The following CCDC134 variants were observed in gnomAD, a reference collection of about 807,000 sequenced individuals.
CCDC134 encodes coiled-coil domain containing 134, also known as coiled-coil domain-containing protein 134.
Under a neutral mutation model 25.6 loss-of-function variants are expected in CCDC134, and 27 were observed. The observed-to-expected ratio is 1.05, with a 90% CI of 0.78 to 1.45. The LOEUF (loss-of-function observed/expected upper bound fraction) is 1.45. Ranked by LOEUF, CCDC134 falls within the 40% of genes most tolerant of loss-of-function variation. The pLI, the probability that CCDC134 is intolerant of heterozygous loss-of-function variation, is 0.00. For synonymous variants in CCDC134, 110 were observed against 115.0 expected, an observed-to-expected ratio of 0.96 and a Z score of 0.28; for missense variants, 261 against 286.7, an observed-to-expected ratio of 0.91 and a Z score of 0.65.
rs1017435501 is a variant in CCDC134 at position 41,831,546 on chromosome 22, G to A, written c.*5723G>A. 6.6e-6 allele frequency: 1 copy of A among 152,206 alleles called. No individual in the cohort carries two copies. Among genetic ancestry groups the A allele is most frequent in the African/African-American group, 2.4e-5 (1 of 41,452 alleles). The allele number at this position is 152,206 out of a possible 1,614,324, so 9.4% of individuals were successfully genotyped here. On this transcript the variant is annotated 3_prime_UTR_variant, in exon 7 of 7. Coordinates refer to ENST00000255784, the MANE Select transcript of CCDC134 (RefSeq NM_024821.5). Reference sequence around the variant, plus strand: ...TGCAAGGCACTTACTGTATGCCAAAGCTTATGCCGAGAGCTGGCTGCCAGC... The same window carrying A: ...TGCAAGGCACTTACTGTATGCCAAAACTTATGCCGAGAGCTGGCTGCCAGC...
chr22:41,830,082 T>C lies in CCDC134; in HGVS notation c.*4259T>C, dbSNP rs950037834. ...AACCGTGCCCGGCTGTCCATCTCTTTTCAGATGAAGAGCTCAGGTTCTGAG... is the reference window on the plus strand; with the variant it reads ...AACCGTGCCCGGCTGTCCATCTCTTCTCAGATGAAGAGCTCAGGTTCTGAG... On this transcript the variant is annotated 3_prime_UTR_variant, in exon 7 of 7. Coordinates refer to ENST00000255784, the MANE Select transcript of CCDC134 (RefSeq NM_024821.5). Among the ~76,000 whole-genome samples the C allele has an allele frequency of 6.6e-6, 1 of 152,204 alleles. No homozygotes were observed. The highest frequency in any genetic ancestry group is 1.5e-5 in the Non-Finnish European group (1 of 68,030).
intron 6 of CCDC134, among the ~76,000 whole-genome samples, chr22:41,816,744 C>A (rs2076624478): frequency 6.6e-6 from 1 of 152,064 alleles, no homozygotes; most frequent in Admixed American, 6.5e-5. Flanking sequence ...ATGGTGAAAC[C>A]CCGTCTCTAC....
rs1306197803 is a variant in CCDC134 at position 41,813,147 on chromosome 22, G to A, written c.311-117G>A. On this transcript the variant is annotated intron_variant, in intron 4 of 6. Coordinates refer to ENST00000255784, the MANE Select transcript of CCDC134 (RefSeq NM_024821.5). ...TGGCAGCCTGTGGTCAGTAGGCACT[G>A]TTCCTTCCTTGCTTGGTGGGTTTGG... is the stretch of plus-strand genomic sequence containing the variant. 6.8e-6 allele frequency: 7 copies of A among 1,028,714 alleles called. No individual in the cohort carries two copies. The Admixed American group carries it at 1.3e-4, about 20-fold the overall frequency. The allele number at this position is 1,028,714 out of a possible 1,614,324, so 63.7% of individuals were successfully genotyped here. A position where few individuals can be genotyped will look rare whatever the true frequency, so the allele number is the denominator to read the frequency against.
At chr22:41,802,538 G>A (rs2076548508) in intron 1 of CCDC134, among the ~76,000 whole-genome samples, 1 of 152,144 alleles carries the variant, frequency 6.6e-6, no homozygotes, top group South Asian at 2.1e-4. Context: ...CAACCGCCAA[G>A]GCGGGCGGAT....
At chr22:41,813,853 C>G (rs2076610019) in intron 6 of CCDC134, 31 bp downstream of exon 6, 2 of 1,604,482 alleles carry the variant, frequency 1.2e-6, no homozygotes, top group African/African-American at 1.3e-5. Context: ...CCTGTGTCTG[C>G]TTTGCCTCTG....
intron 6 of CCDC134, among the ~76,000 whole-genome samples, chr22:41,822,461 C>G (rs1209474468): frequency 6.6e-6 from 1 of 152,112 alleles, no homozygotes; most frequent in African/African-American, 2.4e-5. Flanking sequence ...GGCCATCAGC[C>G]TGCTGACCTG....
intron 6 of CCDC134, among the ~76,000 whole-genome samples, chr22:41,821,571 T>G (rs1446634348): frequency 6.6e-6 from 1 of 151,988 alleles, no homozygotes; most frequent in East Asian, 1.9e-4. Flanking sequence ...GTGTTTGGTT[T>G]TTTGTCCTTA....
intron 1 of CCDC134, among the ~76,000 whole-genome samples, chr22:41,805,636 C>T (rs1455095569): frequency 6.6e-6 from 1 of 151,962 alleles, no homozygotes; most frequent in Non-Finnish European, 1.5e-5. Flanking sequence ...AAATATATGT[C>T]ATAAACACAT....
intron 2 of CCDC134, 103 bp from the exon 3 acceptor site, chr22:41,809,776 C>CAGATA: frequency 6.8e-7 from 1 of 1,480,746 alleles, no homozygotes; most frequent in East Asian, 2.3e-5. Context: ...TGTCCATGGC[C>CAGATA]CTTGCAGATA....
intron 1 of CCDC134, 24 bp downstream of exon 1, chr22:41,800,790 G>T (rs2076536213): frequency 6.6e-6 from 1 of 152,512 alleles, no homozygotes; most frequent in Non-Finnish European, 1.5e-5. Flanking sequence ...GGGGCCGCGG[G>T]CTGCAGGTTC....
At chr22:41,820,902 G>A (rs957156431) in intron 6 of CCDC134, among the ~76,000 whole-genome samples, 2 of 152,178 alleles carry the variant, frequency 1.3e-5, no homozygotes, top group Admixed American at 1.3e-4. Context: ...GGCACCAAAA[G>A]CCGTGAGACA....
intron 6 of CCDC134, among the ~76,000 whole-genome samples, chr22:41,814,235 G>A (rs1041218127): frequency 6.6e-6 from 1 of 152,314 alleles, no homozygotes; most frequent in African/African-American, 2.4e-5. Context: ...AGGGGGCTGA[G>A]GTGGGCTTTG....
intron 1 of CCDC134, among the ~76,000 whole-genome samples, chr22:41,804,714 C>T (rs2076559909): frequency 6.6e-6 from 1 of 152,180 alleles, no homozygotes; most frequent in South Asian, 2.1e-4. Context: ...TATGTACATT[C>T]TCAAGTATGA....
At position 41,830,058 on chromosome 22, in the gene CCDC134, A is replaced by C. The variant is rs2076697973; in HGVS notation, c.*4235A>C. On this transcript the variant is annotated 3_prime_UTR_variant, in exon 7 of 7. Coordinates refer to ENST00000255784, the MANE Select transcript of CCDC134 (RefSeq NM_024821.5). ...AGTGCTGGGATTACAGGCGTAAGCA[A>C]CCGTGCCCGGCTGTCCATCTCTTTT... Among the ~76,000 whole-genome samples the C allele has an allele frequency of 6.6e-6, 1 of 152,206 alleles. No homozygotes were observed. Among genetic ancestry groups the C allele is most frequent in the South Asian group, 2.1e-4 (1 of 4,834 alleles).
chr22:41,825,857 G>A lies in CCDC134; in HGVS notation c.*34G>A, dbSNP rs1365447912. The A allele has an allele frequency of 3.7e-6, 6 of 1,611,004 alleles. No individual in the cohort carries two copies. The highest frequency in any genetic ancestry group is 5.1e-6 in the Non-Finnish European group (6 of 1,178,204). On this transcript the variant is annotated 3_prime_UTR_variant, in exon 7 of 7. Transcript: ENST00000255784. This position sits in a 1 kb window ranked among gnomAD's most constrained non-coding sequence, Gnocchi z 4.4. ...CAGCTCAGGGCTCAGGGGGCCACAA[G>A]GAGGCAGGTCGGGAGGAAGAAGAGG...
chr22:41,813,176 A>G, intron 4 of CCDC134, 88 bp from the exon 5 acceptor site: 6 of 1,343,358 alleles, frequency 4.5e-6, no homozygotes, highest in Non-Finnish European at 5.3e-6. Context: ...GGTTTGGTGG[A>G]TGTCTCTGTT....
chr22:41,814,294 G>A (rs1602240154), intron 6 of CCDC134, among the ~76,000 whole-genome samples: 1 of 152,134 alleles, frequency 6.6e-6, no homozygotes, highest in African/African-American at 2.4e-5. Flanking sequence ...GGCCGGGCAC[G>A]GTGGCTCACA....
Position 41,825,694 on chromosome 22 carries a change from TC to T in CCDC134, c.565-3del, listed in dbSNP as rs756917345. The T allele has an allele frequency of 3.1e-6, 5 of 1,613,902 alleles. No individual in the cohort carries two copies. In the Admixed American group the frequency reaches 8.3e-5, roughly 27 times the overall value. ...AAATCAGACTGCTCTTCTCTTCCCTTCAGTTCATTCCCAGCACTGACCCTTT... is the reference window on the plus strand; with the variant it reads ...AAATCAGACTGCTCTTCTCTTCCCTTAGTTCATTCCCAGCACTGACCCTTT... On this transcript the variant is annotated splice_polypyrimidine_tract_variant and splice_region_variant and intron_variant, in intron 6 of 6. Transcript: ENST00000255784. This position sits in a 1 kb window ranked among gnomAD's most constrained non-coding sequence, Gnocchi z 4.4.
In CCDC134 at chr22:41,825,544, C is replaced by T. The variant is rs1278311239; in HGVS notation, c.565-154C>T. 6.6e-6 allele frequency among the ~76,000 whole-genome samples: 1 copy of T among 152,184 alleles called. No homozygotes were observed. Among genetic ancestry groups the T allele is most frequent in the Admixed American group, 6.5e-5 (1 of 15,274 alleles). ...TCCTGCTTATCTTCCAACACCCACT[C>T]AGCAGTTCTCCCAAACCCATTTCCT... On this transcript the variant is annotated intron_variant, in intron 6 of 6. Coordinates refer to ENST00000255784, the MANE Select transcript of CCDC134 (RefSeq NM_024821.5). The surrounding 1 kb of genome is among the most constrained non-coding windows in gnomAD (Gnocchi z 4.4).
Sources: gnomAD v4.1 joint callset for allele counts (sites outside exome capture counted in the v4.1 genomes callset) on GRCh38, gnomAD v4.1.1 for gene constraint, Gnocchi (gnomAD v3.1) non-coding constraint, MANE v1.5 for transcripts, NCBI Gene and HGNC (gene_info 2026-07-23, HGNC 2026-07-21) for gene names.